The following LTK variants were observed in gnomAD, a reference collection of about 807,000 sequenced individuals.
LTK encodes leukocyte tyrosine kinase receptor.
In LTK, 117 loss-of-function variants were observed where a neutral mutation model predicts 101.5. The observed-to-expected ratio is 1.15, with a 90% CI of 0.99 to 1.34. The LOEUF (loss-of-function observed/expected upper bound fraction) is 1.34, where lower values mean the gene tolerates loss of function less well. Ranked by LOEUF, LTK falls within the 40% of genes most tolerant of loss-of-function variation. The probability of loss-of-function intolerance (pLI) is 0.00; values close to 1 mark genes in which losing one functional copy is unlikely to be tolerated. For synonymous variants in LTK, 563 were observed against 494.2 expected, an observed-to-expected ratio of 1.14 and a Z score of -1.85; for missense variants, 1,252 against 1,164.7, an observed-to-expected ratio of 1.07 and a Z score of -1.09.
intron 10 of LTK, 36 bp from the exon 11 acceptor site, chr15:41,507,326 T>G: frequency 6.4e-7 from 1 of 1,555,624 alleles, no homozygotes; most frequent in Non-Finnish European, 8.7e-7. Flanking sequence ...ACCCTCCACC[T>G]GCCCATCAAC....
In LTK at chr15:41,504,556, G is replaced by T; in HGVS notation, c.2205C>A (p.Phe735Leu). 6.2e-7 allele frequency: 1 copy of T among 1,613,878 alleles called. No individual in the cohort carries two copies. The highest frequency in any genetic ancestry group is 2.2e-5 in the East Asian group (1 of 44,880). The change falls in exon 18 of 20, where the codon TTC (phenylalanine) becomes TTA (leucine). Residue 735 changes from phenylalanine to leucine, a missense_variant. Coordinates refer to ENST00000263800, the MANE Select transcript of LTK (RefSeq NM_002344.6). Reference protein sequence around the residue: ...PGRTNQEVLDFVVGGGRMDPP... With the variant: ...PGRTNQEVLDLVVGGGRMDPP... ...GGTCCATCCGGCCTCCTCCAACGAC[G>T]AAGTCCAGCACCTCCTGGTTGGTGC...
intron 1 of LTK, 130 bp downstream of exon 1, chr15:41,513,537 G>T: frequency 1.2e-6 from 1 of 844,890 alleles, no homozygotes; most frequent in Non-Finnish European, 2.0e-6. Context: ...AGCACGGACC[G>T]GAGAAATTTG....
In LTK at chr15:41,511,053, G is replaced by A; in HGVS notation, c.997+111C>T. 1 of 1,259,224 alleles carries A rather than the reference G, an allele frequency of 7.9e-7. No individual in the cohort carries two copies. Among genetic ancestry groups the A allele is most frequent in the Non-Finnish European group, 1.0e-6 (1 of 996,276 alleles). 78.0% of individuals were successfully genotyped at this position (1,259,224 alleles called of 1,614,324 possible). A position where few individuals can be genotyped will look rare whatever the true frequency, so the allele number is the denominator to read the frequency against. On this transcript the variant is annotated intron_variant, in intron 7 of 19. Coordinates refer to ENST00000263800, the MANE Select transcript of LTK (RefSeq NM_002344.6). The surrounding 1 kb of genome is among the most constrained non-coding windows in gnomAD (Gnocchi z 5.9). Reference sequence around the variant, plus strand: ...TTTTTGTTTGGAGCTGCTGAGCAGGGCTTAATGCCTCTCCCACACCTATCC... The same window carrying A: ...TTTTTGTTTGGAGCTGCTGAGCAGGACTTAATGCCTCTCCCACACCTATCC...
At position 41,511,609 on chromosome 15, in the gene LTK, G is replaced by T; in HGVS notation, c.658-31C>A. On this transcript the variant is annotated intron_variant, in intron 5 of 19. Coordinates refer to ENST00000263800, the MANE Select transcript of LTK (RefSeq NM_002344.6). This position sits in a 1 kb window ranked among gnomAD's most constrained non-coding sequence, Gnocchi z 5.9. ...GGGCCAGCGGCGTGTTCCAGGAAGCGCCCTCCAGCTGTCCAGGGGCACTGC... is the reference window on the plus strand; with the variant it reads ...GGGCCAGCGGCGTGTTCCAGGAAGCTCCCTCCAGCTGTCCAGGGGCACTGC... 2.1e-6 allele frequency: 3 copies of T among 1,425,250 alleles called. No homozygotes were observed. The highest frequency in any genetic ancestry group is 2.7e-6 in the Non-Finnish European group (3 of 1,101,060). 88.3% of individuals were successfully genotyped at this position (1,425,250 alleles called of 1,614,324 possible). A position where few individuals can be genotyped will look rare whatever the true frequency, so the allele number is the denominator to read the frequency against.
In LTK at chr15:41,504,382, C is replaced by G; in HGVS notation, c.2306G>C (p.Ser769Thr). ...CAGACGCTCCAAGATGCTGGCAAAG[C>G]TAGGGCGGAGCTCAGGCTCGTGCTG... ...CWQHEPELRP[S>T]FASILERLQY... is the part of the protein sequence containing the mutation. The change falls in exon 19 of 20, where the codon AGC becomes ACC. Residue 769 changes from serine to threonine, a missense_variant. Coordinates refer to ENST00000263800, the MANE Select transcript of LTK (RefSeq NM_002344.6). The G allele has an allele frequency of 1.2e-6, 2 of 1,614,154 alleles. No homozygotes were observed. Among genetic ancestry groups the G allele is most frequent in the Non-Finnish European group, 1.7e-6 (2 of 1,180,004 alleles).
At chr15:41,512,530 G>T (rs1419482582) in intron 3 of LTK, among the ~76,000 whole-genome samples, 177 bp downstream of exon 3, 1 of 152,194 alleles carries the variant, frequency 6.6e-6, no homozygotes, top group Admixed American at 6.5e-5. Flanking sequence ...CGGTGTAAGA[G>T]GTTCCGGGTA....
rs570072922 is a variant in LTK at position 41,504,246 on chromosome 15, T to C, written c.2347-2A>G. On this transcript the variant is annotated splice_acceptor_variant, in intron 19 of 19. Transcript: ENST00000263800. LOFTEE classifies it high-confidence loss of function. Reference sequence around the variant, plus strand: ...GAGTGAATTCAGCACATCCGGGTCCTGTAATGGAAGAGTCAGGGAGCAGGG... The same window carrying C: ...GAGTGAATTCAGCACATCCGGGTCCCGTAATGGAAGAGTCAGGGAGCAGGG... 6.2e-7 allele frequency: 1 copy of C among 1,606,848 alleles called. No homozygotes were observed. Among genetic ancestry groups the C allele is most frequent in the East Asian group, 2.2e-5 (1 of 44,716 alleles).
intron 7 of LTK, among the ~76,000 whole-genome samples, chr15:41,510,252 C>T (rs75066677): frequency 3.9e-5 from 6 of 152,064 alleles, no homozygotes; most frequent in Non-Finnish European, 7.4e-5. Flanking sequence ...AAGATCCACC[C>T]GCCTCCGCCG....
chr15:41,507,513 C>T (rs4924549), intron 10 of LTK, 49 bp downstream of exon 10: 210,180 of 1,598,704 alleles, frequency 0.13, 15,509 homozygotes, highest in Middle Eastern at 0.16. Flanking sequence ...TCCCAGCTCA[C>T]TGGAGAGGAG....
At chr15:41,507,731 C>CATGA (rs1566868738) in intron 9 of LTK, 74 bp from the exon 10 acceptor site, 1 of 1,448,360 alleles carries the variant, frequency 6.9e-7, no homozygotes, top group Non-Finnish European at 9.3e-7. Context: ...ACCCACGCTT[C>CATGA]AAGACTCAGC....
At chr15:41,506,124 T>C (rs532953798) in intron 11 of LTK, 119 bp from the exon 12 acceptor site, 1 of 654,536 alleles carries the variant, frequency 1.5e-6, no homozygotes, top group East Asian at 2.7e-5. Context: ...CTATATAGAC[T>C]CTCTCCATAC....
In LTK at chr15:41,505,415, T is replaced by G; in HGVS notation, c.1813A>C (p.Ser605Arg). 3 of 1,614,016 alleles carry G rather than the reference T, an allele frequency of 1.9e-6. No individual in the cohort carries two copies. Among genetic ancestry groups the G allele is most frequent in the Non-Finnish European group, 2.5e-6 (3 of 1,179,966 alleles). ...GGDMKSFLRH[S>R]RPHLGQPSPL... ...AAGGGTCTCACCAGGTGTGGCCGAC[T>G]GTGCCTCAGGAAACTCTTCATGTCC... Residue 605 changes from serine (S) to arginine (R), a missense_variant, in exon 14 of 20, where the codon AGT becomes CGT. By Grantham distance (110) the Ser-to-Arg change is moderately radical (BLOSUM62 -1). Transcript: ENST00000263800.
At chr15:41,504,937 GGAGC>G in intron 16 of LTK, 31 bp downstream of exon 16, 1 of 1,598,308 alleles carries the variant, frequency 6.3e-7, no homozygotes, top group Non-Finnish European at 8.5e-7. Context: ...AAACCCCCTT[GGAGC>G]AAGAGCCTTC....
At chr15:41,513,620 A>T in intron 1 of LTK, 47 bp downstream of exon 1, 1 of 1,591,546 alleles carries the variant, frequency 6.3e-7, no homozygotes, top group Non-Finnish European at 8.6e-7. Context: ...CAAGCCTAGG[A>T]AAGTGCCTCA....
Position 41,513,814 on chromosome 15 carries a change from T to TA in LTK, c.-106dup, listed in dbSNP as rs886307965. ...TGCCACGGCAGCCCTGGCCACCACT[T>TA]ACAGGGGTGTGCTGCCGCTGGCGAG... is the stretch of plus-strand genomic sequence containing the variant. On this transcript the variant is annotated 5_prime_UTR_variant, in exon 1 of 20. Coordinates refer to ENST00000263800, the MANE Select transcript of LTK (RefSeq NM_002344.6). 7.0e-6 allele frequency: 7 copies of TA among 1,001,684 alleles called. No individual in the cohort carries two copies. Among genetic ancestry groups the TA allele is most frequent in the South Asian group, 1.3e-5 (1 of 76,972 alleles). 62.0% of individuals were successfully genotyped at this position (1,001,684 alleles called of 1,614,324 possible).
At chr15:41,504,306 A>T (rs2051174101) in intron 19 of LTK, 36 bp downstream of exon 19, 2 of 1,612,660 alleles carry the variant, frequency 1.2e-6, no homozygotes, top group South Asian at 2.2e-5. Context: ...CTCCTGACCC[A>T]CAAGACCAGG....
At position 41,511,409 on chromosome 15, in the gene LTK, C is replaced by T. The variant is rs1281918390; in HGVS notation, c.814+13G>A. ...GGAGCACGCCCGCCTCTCCCCGCGG[C>T]CCGCGCCCTCACCTGCCGCCCCGCC... On this transcript the variant is annotated intron_variant, in intron 6 of 19. Transcript: ENST00000263800. The surrounding 1 kb of genome is among the most constrained non-coding windows in gnomAD (Gnocchi z 5.9). 3.6e-6 allele frequency: 5 copies of T among 1,378,366 alleles called. No homozygotes were observed. The East Asian group carries it at 1.2e-4, about 34-fold the overall frequency. 85.4% of individuals were successfully genotyped at this position (1,378,366 alleles called of 1,614,324 possible).
At position 41,504,426 on chromosome 15, in the gene LTK, G is replaced by T. The variant is rs1199809875; in HGVS notation, c.2262C>A (p.Arg754=). 2.5e-6 allele frequency: 4 copies of T among 1,614,022 alleles called. No individual in the cohort carries two copies. In the East Asian group the frequency reaches 8.9e-5, roughly 36 times the overall value. ...PPRGCPGPVY[R]IMTQCWQHEP... is the part of the protein sequence containing the mutation. ...CGTGCTGCCAACACTGGGTCATGATGCGGTACCTGGGGAGAGGCAGGAGTT... is the reference window on the plus strand; with the variant it reads ...CGTGCTGCCAACACTGGGTCATGATTCGGTACCTGGGGAGAGGCAGGAGTT... Residue 754 remains arginine, a synonymous_variant, in exon 19 of 20, where the codon CGC becomes CGA. Transcript: ENST00000263800.
chr15:41,508,302 C>A (rs539867242), intron 8 of LTK, 81 bp from the exon 9 acceptor site: 4 of 1,252,626 alleles, frequency 3.2e-6, no homozygotes, highest in Non-Finnish European at 4.5e-6. Flanking sequence ...GGTACAGTGG[C>A]ACACGCCTAT....
Sources: allele counts gnomAD v4.1 joint callset (sites outside exome capture counted in the v4.1 genomes callset), GRCh38; gene constraint gnomAD v4.1.1; non-coding constraint Gnocchi (gnomAD v3.1); transcripts MANE v1.5; gene names NCBI Gene and HGNC (gene_info 2026-07-23, HGNC 2026-07-21).